ADAMTSL1: variants seen among roughly 807,000 people sequenced by gnomAD.
The protein encoded by ADAMTSL1 is ADAMTS like 1.
A neutral mutation model predicts 201.8 loss-of-function variants in ADAMTSL1; 126 were observed. The observed-to-expected ratio is 0.62, with a 90% CI of 0.54 to 0.72. ADAMTSL1 has a LOEUF of 0.72. Ranked by LOEUF, ADAMTSL1 falls within the 30% of genes least tolerant of loss-of-function variation. The pLI, the probability that ADAMTSL1 is intolerant of heterozygous loss-of-function variation, is 0.00. For synonymous variants in ADAMTSL1, 1,121 were observed against 903.4 expected (o/e 1.24, Z -4.32); for missense variants, 2,679 against 2,277.8 (o/e 1.18, Z -3.59).
chr9:18,470,548 C>T (rs140884792), upstream of ADAMTSL1, among the ~76,000 whole-genome samples: 142 of 152,294 alleles, frequency 9.3e-4, no homozygotes, highest in African/African-American at 3.1e-3. Flanking sequence ...TCTTGAAATC[C>T]TCCCAGCCCT....
At chr9:18,065,057 C>T (rs181115099) in intron 1 of ADAMTSL1, among the ~76,000 whole-genome samples, 6 of 129,754 alleles carry the variant, frequency 4.6e-5, no homozygotes, top group Admixed American at 1.9e-4. Context: ...TAAATATGTT[C>T]GAAGCAATTC....
intron 20 of ADAMTSL1, among the ~76,000 whole-genome samples, chr9:18,808,017 C>A (rs183273021): frequency 3.7e-4 from 56 of 152,130 alleles, no homozygotes; most frequent in African/African-American, 1.3e-3. Context: ...CTAAAGTAGG[C>A]TTATGTTGAT....
intron 2 of ADAMTSL1, among the ~76,000 whole-genome samples, chr9:18,204,821 T>A (rs548978765): frequency 6.6e-6 from 1 of 152,100 alleles, no homozygotes; most frequent in Admixed American, 6.6e-5. Context: ...TAATGTAAGA[T>A]TTGAGAAGGT....
intron 2 of ADAMTSL1, among the ~76,000 whole-genome samples, chr9:18,325,843 C>T (rs563946124): frequency 2.2e-4 from 34 of 152,020 alleles, no homozygotes; most frequent in Admixed American, 5.9e-4. Context: ...AGGATTCAAG[C>T]GATTCTCCTG....
intron 2 of ADAMTSL1, among the ~76,000 whole-genome samples, chr9:18,167,105 C>T (rs1432152672): frequency 6.6e-6 from 1 of 151,850 alleles, no homozygotes; most frequent in Admixed American, 6.6e-5. Flanking sequence ...GCATTGTTTG[C>T]AGAGAAGAAA....
At chr9:18,524,160 C>T in intron 2 of ADAMTSL1, among the ~76,000 whole-genome samples, 1 of 152,100 alleles carries the variant, frequency 6.6e-6, no homozygotes, top group East Asian at 1.9e-4. Flanking sequence ...TCCTTCACAT[C>T]CCTTGTAAGT....
At chr9:18,858,494 C>G (rs1382055806) in intron 23 of ADAMTSL1, among the ~76,000 whole-genome samples, 1 of 152,172 alleles carries the variant, frequency 6.6e-6, no homozygotes, top group Non-Finnish European at 1.5e-5. Context: ...TCGACTGAAC[C>G]ATTTAAGAAA....
At chr9:18,034,468 T>A (rs1457126584) in intron 1 of ADAMTSL1, among the ~76,000 whole-genome samples, 2 of 152,234 alleles carry the variant, frequency 1.3e-5, no homozygotes, top group Non-Finnish European at 2.9e-5. Flanking sequence ...ATATCCATTG[T>A]GTTTTTCACC....
chr9:18,469,008 C>A (rs1821108371), intron 2 of ADAMTSL1, among the ~76,000 whole-genome samples: 1 of 152,206 alleles, frequency 6.6e-6, no homozygotes, highest in South Asian at 2.1e-4. Context: ...CATTACACAA[C>A]CTGCAGTAGT....
At chr9:18,333,952 A>G (rs903926722) in intron 2 of ADAMTSL1, among the ~76,000 whole-genome samples, 1 of 152,110 alleles carries the variant, frequency 6.6e-6, no homozygotes, top group Non-Finnish European at 1.5e-5. Context: ...AGAGGCCCCA[A>G]TTCTAAGAAT....
chr9:18,505,769 C>T (rs369021125), intron 2 of ADAMTSL1, among the ~76,000 whole-genome samples: 1 of 152,264 alleles, frequency 6.6e-6, no homozygotes, highest in East Asian at 1.9e-4. Context: ...ACTGTATATA[C>T]TATATTATAA....
intron 2 of ADAMTSL1, among the ~76,000 whole-genome samples, chr9:18,290,597 C>A (rs1343868985): frequency 6.6e-6 from 1 of 151,530 alleles, no homozygotes; most frequent in Non-Finnish European, 1.5e-5. Flanking sequence ...GGATCTTCCC[C>A]CAAACCAACA....
In ADAMTSL1 at chr9:18,801,465, T is replaced by C. The variant is rs558513665; in HGVS notation, c.3805+5941T>C. Reference sequence around the variant, plus strand: ...TCACAGGGATTTGTTGTACAGATTATTTCATCACCCAGGTACTCAGCCTAG... The same window carrying C: ...TCACAGGGATTTGTTGTACAGATTACTTCATCACCCAGGTACTCAGCCTAG... On this transcript the variant is annotated intron_variant, in intron 20 of 28. Coordinates refer to ENST00000380548, the MANE Select transcript of ADAMTSL1 (RefSeq NM_001040272.6). Among the ~76,000 whole-genome samples the C allele has an allele frequency of 1.5e-4, 23 of 152,250 alleles. 1 individual carries two copies. The highest frequency in any genetic ancestry group is 1.5e-3 in the South Asian group (7 of 4,824).
intron 23 of ADAMTSL1, among the ~76,000 whole-genome samples, chr9:18,863,312 A>G (rs962973742): frequency 1.3e-5 from 2 of 152,224 alleles, no homozygotes; most frequent in African/African-American, 4.8e-5. Flanking sequence ...TGAGAAATAT[A>G]TCAAGTTCTT....
intron 1 of ADAMTSL1, among the ~76,000 whole-genome samples, chr9:17,994,492 A>G (rs537737239): frequency 2.0e-5 from 3 of 152,270 alleles, no homozygotes; most frequent in South Asian, 2.1e-4. Flanking sequence ...GTGCCATTCA[A>G]AAATGCTTTT....
In ADAMTSL1 at chr9:18,392,075, C is replaced by T. The variant is rs574058374; in HGVS notation, c.208-112754C>T. Among the ~76,000 whole-genome samples, 163 of 152,092 alleles carry T rather than the reference C, an allele frequency of 1.1e-3. 1 individual carries two copies. Among genetic ancestry groups the T allele is most frequent in the African/African-American group, 3.6e-3 (149 of 41,500 alleles). ...TCCTGACCTCGTGATCCGCCCGCCT[C>T]GGCCTCCCAAAGTGCTGGGATTACA... is the stretch of plus-strand genomic sequence containing the variant. On this transcript the variant is annotated intron_variant, in intron 2 of 29. Coordinates refer to the ADAMTSL1 transcript ENST00000680146.
chr9:18,234,299 A>G (rs1483099433), intron 2 of ADAMTSL1, among the ~76,000 whole-genome samples: 1 of 152,162 alleles, frequency 6.6e-6, no homozygotes, highest in Non-Finnish European at 1.5e-5. Context: ...AGAGTTTAAT[A>G]TAAAATATGT....
At chr9:18,874,793 G>A (rs1195546773) in intron 23 of ADAMTSL1, among the ~76,000 whole-genome samples, 1 of 152,084 alleles carries the variant, frequency 6.6e-6, no homozygotes, top group Non-Finnish European at 1.5e-5. Flanking sequence ...ACTGATTTAG[G>A]GAGGACTCCC....
intron 2 of ADAMTSL1, among the ~76,000 whole-genome samples, chr9:18,457,204 A>T (rs1411577037): frequency 6.6e-6 from 1 of 152,192 alleles, no homozygotes; most frequent in African/African-American, 2.4e-5. Flanking sequence ...ATATTACTTT[A>T]AAAAAAGCAA....
Sources: gnomAD v4.1 joint callset for allele counts (sites outside exome capture counted in the v4.1 genomes callset) on GRCh38, gnomAD v4.1.1 for gene constraint, MANE v1.5 for transcripts, NCBI Gene and HGNC (gene_info 2026-07-23, HGNC 2026-07-21) for gene names.